SUMO4: variants seen among roughly 807,000 people sequenced by gnomAD.
SUMO4 encodes small ubiquitin-related modifier 4.
SUMO4 carries 6 observed loss-of-function variants against 7.7 expected under a neutral mutation model. The ratio of observed to expected loss-of-function variants is 0.78; its 90% confidence interval spans 0.43 to 1.53. The LOEUF is 1.53. Ranked by LOEUF, SUMO4 falls within the 40% of genes most tolerant of loss-of-function variation. The pLI is 0.01. For missense variants in SUMO4, 113 were observed against 113.6 expected, an observed-to-expected ratio of 0.99 and a Z score of 0.03; for synonymous variants, 43 against 41.2, an observed-to-expected ratio of 1.04 and a Z score of -0.17.
chr6:149,400,495 A>G lies in SUMO4; in HGVS notation c.104A>G (p.Lys35Arg). The G allele has an allele frequency of 6.2e-7, 1 of 1,614,274 alleles. No homozygotes were observed. Among genetic ancestry groups the G allele is most frequent in the African/African-American group, 1.3e-5 (1 of 75,074 alleles). Residue 35 changes from lysine (K) to arginine (R), a missense_variant, in exon 1 of 1, where the codon AAG becomes AGG. Lys to Arg is a conservative substitution (Grantham distance 26). Coordinates refer to ENST00000326669, the MANE Select transcript of SUMO4 (RefSeq NM_001002255.2). ...GGTTCTGTGGTGCAGTTTAAGATTA[A>G]GAGGCAGACACCACTTAGTAAACTA... ...QDGSVVQFKI[K>R]RQTPLSKLMK...
rs1782358755 is a variant in SUMO4, at chr6:149,400,793, G to C, written c.*114G>C. On this transcript the variant is annotated 3_prime_UTR_variant, in exon 1 of 1. Coordinates refer to ENST00000326669, the MANE Select transcript of SUMO4 (RefSeq NM_001002255.2). ...ACCACATTCTGACTACTACAGTATA[G>C]TTTTCTCTATTCTTTTGTTTCCCCC... 8.6e-7 allele frequency: 1 copy of C among 1,158,068 alleles called. No individual in the cohort carries two copies. The highest frequency in any genetic ancestry group is 1.5e-5 in the South Asian group (1 of 64,692). 71.7% of individuals were successfully genotyped at this position (1,158,068 alleles called of 1,614,324 possible). A position where few individuals can be genotyped will look rare whatever the true frequency, so the allele number is the denominator to read the frequency against.
At position 149,400,347 on chromosome 6, in the gene SUMO4, C is replaced by T. The variant is rs748960494; in HGVS notation, c.-45C>T. On this transcript the variant is annotated 5_prime_UTR_variant, in exon 1 of 1. Coordinates refer to ENST00000326669, the MANE Select transcript of SUMO4 (RefSeq NM_001002255.2). ...GTGTACTCGTTAGGTGCGGACCCGC[C>T]ACCTCTTTTGTGAAGCAGCAGCTGA... 1 of 1,597,706 alleles carries T rather than the reference C, an allele frequency of 6.3e-7. No homozygotes were observed. The highest frequency in any genetic ancestry group is 8.5e-7 in the Non-Finnish European group (1 of 1,172,280).
At position 149,400,509 on chromosome 6, in the gene SUMO4, C is replaced by G. The variant is rs1368688819; in HGVS notation, c.118C>G (p.Leu40Val). 2 of 1,614,214 alleles carry G rather than the reference C, an allele frequency of 1.2e-6. No homozygotes were observed. Among genetic ancestry groups the G allele is most frequent in the Non-Finnish European group, 1.7e-6 (2 of 1,180,046 alleles). ...VQFKIKRQTP[L>V]SKLMKAYCEP... ...GTTTAAGATTAAGAGGCAGACACCACTTAGTAAACTAATGAAAGCCTATTG... is the reference window on the plus strand; with the variant it reads ...GTTTAAGATTAAGAGGCAGACACCAGTTAGTAAACTAATGAAAGCCTATTG... Residue 40 changes from leucine (L) to valine (V), a missense_variant, in exon 1 of 1, where the codon CTT becomes GTT. Leu to Val is a conservative substitution (Grantham distance 32). Coordinates refer to ENST00000326669, the MANE Select transcript of SUMO4 (RefSeq NM_001002255.2).
rs1020043932 is a variant in SUMO4 at position 149,401,261 on chromosome 6, T to G, written c.*582T>G. ...AGTCAGGCTTCTTATTTAAATAAAC[T>G]TTTTGTTTAAAATGAAATAAAAATA... On this transcript the variant is annotated 3_prime_UTR_variant, in exon 1 of 1. Transcript: ENST00000326669. 5 of 166,882 alleles carry G rather than the reference T, an allele frequency of 3.0e-5. No homozygotes were observed. Among genetic ancestry groups the G allele is most frequent in the African/African-American group, 1.2e-4 (5 of 41,430 alleles). 10.3% of individuals were successfully genotyped at this position (166,882 alleles called of 1,614,324 possible).
rs1782356893 is a variant in SUMO4, at chr6:149,400,735, G to A, written c.*56G>A. Reference sequence around the variant, plus strand: ...CTGTTCTTTAAAGACCAAGATTACTGCATTCTCAATTAGAAAACTGCAATT... The same window carrying A: ...CTGTTCTTTAAAGACCAAGATTACTACATTCTCAATTAGAAAACTGCAATT... On this transcript the variant is annotated 3_prime_UTR_variant, in exon 1 of 1. Coordinates refer to ENST00000326669, the MANE Select transcript of SUMO4 (RefSeq NM_001002255.2). 1 of 1,563,398 alleles carries A rather than the reference G, an allele frequency of 6.4e-7. No individual in the cohort carries two copies. The highest frequency in any genetic ancestry group is 1.9e-5 in the Admixed American group (1 of 53,372).
In SUMO4 at chr6:149,400,312, C is replaced by T; in HGVS notation, c.-80C>T. The T allele has an allele frequency of 6.7e-7, 1 of 1,491,490 alleles. No homozygotes were observed. Among genetic ancestry groups the T allele is most frequent in the South Asian group, 1.3e-5 (1 of 78,424 alleles). 92.4% of individuals were successfully genotyped at this position (1,491,490 alleles called of 1,614,324 possible). A position where few individuals can be genotyped will look rare whatever the true frequency, so the allele number is the denominator to read the frequency against. ...ACCGCTGTCACCTCCTGCTGCTCTT[C>T]CTGCTGCTCGTGTACTCGTTAGGTG... On this transcript the variant is annotated 5_prime_UTR_variant, in exon 1 of 1. Transcript: ENST00000326669.
At position 149,400,606 on chromosome 6, in the gene SUMO4, A is replaced by G; in HGVS notation, c.215A>G (p.Lys72Arg). 1 of 1,614,236 alleles carries G rather than the reference A, an allele frequency of 6.2e-7. No individual in the cohort carries two copies. The highest frequency in any genetic ancestry group is 8.5e-7 in the Non-Finnish European group (1 of 1,180,048). The change falls in exon 1 of 1, where the codon AAA becomes AGA. Residue 72 changes from lysine (K) to arginine (R), a missense_variant. Physicochemically the swap from Lys to Arg is conservative, Grantham distance 26 (BLOSUM62 2). Coordinates refer to ENST00000326669, the MANE Select transcript of SUMO4 (RefSeq NM_001002255.2). ...FGGQPISGTD[K>R]PAQLEMEDED... is the part of the protein sequence containing the mutation. Reference sequence around the variant, plus strand: ...GGGCAACCAATCAGTGGAACAGACAAACCTGCACAGTTGGAAATGGAAGAT... The same window carrying G: ...GGGCAACCAATCAGTGGAACAGACAGACCTGCACAGTTGGAAATGGAAGAT...
chr6:149,400,778 G>T lies in SUMO4; in HGVS notation c.*99G>T. ...CTGCAATTTGGTTCCACCACATTCT[G>T]ACTACTACAGTATAGTTTTCTCTAT... On this transcript the variant is annotated 3_prime_UTR_variant, in exon 1 of 1. Transcript: ENST00000326669. 1 of 1,269,086 alleles carries T rather than the reference G, an allele frequency of 7.9e-7. No individual in the cohort carries two copies. The highest frequency in any genetic ancestry group is 1.4e-5 in the South Asian group (1 of 69,912). The allele number at this position is 1,269,086 out of a possible 1,614,324, so 78.6% of individuals were successfully genotyped here.
chr6:149,400,508 A>G lies in SUMO4; in HGVS notation c.117A>G (p.Pro39=). The change falls in exon 1 of 1, where the codon CCA becomes CCG. Residue 39 remains proline, a synonymous_variant. Coordinates refer to ENST00000326669, the MANE Select transcript of SUMO4 (RefSeq NM_001002255.2). ...VVQFKIKRQT[P]LSKLMKAYCE... is the part of the protein sequence containing the mutation. ...AGTTTAAGATTAAGAGGCAGACACC[A>G]CTTAGTAAACTAATGAAAGCCTATT... 6.2e-7 allele frequency: 1 copy of G among 1,614,258 alleles called. No homozygotes were observed. Among genetic ancestry groups the G allele is most frequent in the Non-Finnish European group, 8.5e-7 (1 of 1,180,046 alleles).
At position 149,400,357 on chromosome 6, in the gene SUMO4, G is replaced by A. The variant is rs962679302; in HGVS notation, c.-35G>A. On this transcript the variant is annotated 5_prime_UTR_variant, in exon 1 of 1. In the 5' UTR this introduces an upstream ATG that the reference lacks. Transcript: ENST00000326669. Reference sequence around the variant, plus strand: ...TAGGTGCGGACCCGCCACCTCTTTTGTGAAGCAGCAGCTGAGGAGACTCCG... The same window carrying A: ...TAGGTGCGGACCCGCCACCTCTTTTATGAAGCAGCAGCTGAGGAGACTCCG... 1 of 1,604,402 alleles carries A rather than the reference G, an allele frequency of 6.2e-7. No homozygotes were observed. The highest frequency in any genetic ancestry group is 1.1e-5 in the South Asian group (1 of 89,700).
rs1395634180 is a variant in SUMO4, at chr6:149,400,269, G to A, written c.-123G>A. 8 of 1,090,962 alleles carry A rather than the reference G, an allele frequency of 7.3e-6. No homozygotes were observed. The highest frequency in any genetic ancestry group is 3.1e-5 in the African/African-American group (2 of 63,620). 67.6% of individuals were successfully genotyped at this position (1,090,962 alleles called of 1,614,324 possible). On this transcript the variant is annotated 5_prime_UTR_variant, in exon 1 of 1. Coordinates refer to ENST00000326669, the MANE Select transcript of SUMO4 (RefSeq NM_001002255.2). Reference sequence around the variant, plus strand: ...AGGGGAGGGAGCCCAGGATGTGCACGCACCCTCTCCCTCATCCACCGCTGT... The same window carrying A: ...AGGGGAGGGAGCCCAGGATGTGCACACACCCTCTCCCTCATCCACCGCTGT...
At position 149,400,590 on chromosome 6, in the gene SUMO4, A is replaced by G. The variant is rs143374045; in HGVS notation, c.199A>G (p.Ile67Val). ...CAGATTCCGATTTGGTGGGCAACCAATCAGTGGAACAGACAAACCTGCACA... is the reference window on the plus strand; with the variant it reads ...CAGATTCCGATTTGGTGGGCAACCAGTCAGTGGAACAGACAAACCTGCACA... Reference protein sequence around the residue: ...QIRFRFGGQPISGTDKPAQLE... With the variant: ...QIRFRFGGQPVSGTDKPAQLE... Residue 67 changes from isoleucine (I) to valine (V), a missense_variant, in exon 1 of 1, where the codon ATC becomes GTC. Coordinates refer to ENST00000326669, the MANE Select transcript of SUMO4 (RefSeq NM_001002255.2). 2.2e-4 allele frequency: 355 copies of G among 1,614,250 alleles called. No homozygotes were observed. The highest frequency in any genetic ancestry group is 1.8e-3 in the Admixed American group (109 of 60,030).
chr6:149,400,546 G>T lies in SUMO4; in HGVS notation c.155G>T (p.Gly52Val), dbSNP rs1465146312. Residue 52 changes from glycine to valine, a missense_variant, in exon 1 of 1, where the codon GGA becomes GTA. Gly to Val is a moderately radical substitution (Grantham distance 109). Transcript: ENST00000326669. ...KLMKAYCEPRGLSVKQIRFRF... is the reference protein window; with the variant it reads ...KLMKAYCEPRVLSVKQIRFRF... ...ATGAAAGCCTATTGTGAACCACGGG[G>T]ATTGTCAGTGAAGCAGATCAGATTC... 1 of 1,614,256 alleles carries T rather than the reference G, an allele frequency of 6.2e-7. No individual in the cohort carries two copies. The highest frequency in any genetic ancestry group is 1.1e-5 in the South Asian group (1 of 91,086).
chr6:149,400,514 T>C lies in SUMO4; in HGVS notation c.123T>C (p.Ser41=). ...AGATTAAGAGGCAGACACCACTTAG[T>C]AAACTAATGAAAGCCTATTGTGAAC... ...QFKIKRQTPL[S]KLMKAYCEPR... is the part of the protein sequence containing the mutation. The change falls in exon 1 of 1, where the codon AGT becomes AGC. Residue 41 remains serine, a synonymous_variant. Transcript: ENST00000326669. The C allele has an allele frequency of 6.2e-7, 1 of 1,614,216 alleles. No individual in the cohort carries two copies. Among genetic ancestry groups the C allele is most frequent in the Non-Finnish European group, 8.5e-7 (1 of 1,180,040 alleles).
In SUMO4 at chr6:149,400,848, A is replaced by G. The variant is rs542424351; in HGVS notation, c.*169A>G. 35 of 734,792 alleles carry G rather than the reference A, an allele frequency of 4.8e-5. No homozygotes were observed. In the African/African-American group the frequency reaches 4.8e-4, roughly 10 times the overall value. The allele number at this position is 734,792 out of a possible 1,614,324, so 45.5% of individuals were successfully genotyped here. A position where few individuals can be genotyped will look rare whatever the true frequency, so the allele number is the denominator to read the frequency against. ...ACATTCTTTTATTATACATGAAGTAACTGGTATGTGTACACAAGCATATTG... is the reference window on the plus strand; with the variant it reads ...ACATTCTTTTATTATACATGAAGTAGCTGGTATGTGTACACAAGCATATTG... On this transcript the variant is annotated 3_prime_UTR_variant, in exon 1 of 1. Transcript: ENST00000326669.
At position 149,400,408 on chromosome 6, in the gene SUMO4, C is replaced by G; in HGVS notation, c.17C>G (p.Pro6Arg). Residue 6 changes from proline to arginine, a missense_variant, in exon 1 of 1, where the codon CCC becomes CGC. Physicochemically the swap from Pro to Arg is moderately radical, Grantham distance 103. Coordinates refer to ENST00000326669, the MANE Select transcript of SUMO4 (RefSeq NM_001002255.2). Reference sequence around the variant, plus strand: ...GTGTTCACCATGGCCAACGAAAAGCCCACAGAAGAAGTCAAGACTGAGAAC... The same window carrying G: ...GTGTTCACCATGGCCAACGAAAAGCGCACAGAAGAAGTCAAGACTGAGAAC... MANEK[P>R]TEEVKTENNN... 1.9e-6 allele frequency: 3 copies of G among 1,614,190 alleles called. No individual in the cohort carries two copies. Among genetic ancestry groups the G allele is most frequent in the Non-Finnish European group, 2.5e-6 (3 of 1,180,032 alleles).
At position 149,400,915 on chromosome 6, in the gene SUMO4, G is replaced by C. The variant is rs1476201843; in HGVS notation, c.*236G>C. 4 of 502,258 alleles carry C rather than the reference G, an allele frequency of 8.0e-6. No individual in the cohort carries two copies. The highest frequency in any genetic ancestry group is 7.8e-5 in the African/African-American group (4 of 51,058). 31.1% of individuals were successfully genotyped at this position (502,258 alleles called of 1,614,324 possible). ...AAACAGCCAATGGTATGTTTTGATT[G>C]ACATCAAGTGGAGACAGGATGGGAA... is the stretch of plus-strand genomic sequence containing the variant. On this transcript the variant is annotated 3_prime_UTR_variant, in exon 1 of 1. Transcript: ENST00000326669.
At position 149,400,565 on chromosome 6, in the gene SUMO4, C is replaced by G. The variant is rs371155775; in HGVS notation, c.174C>G (p.Ile58Met). The G allele has an allele frequency of 1.2e-6, 2 of 1,614,096 alleles. No individual in the cohort carries two copies. Among genetic ancestry groups the G allele is most frequent in the African/African-American group, 2.7e-5 (2 of 74,928 alleles). The change falls in exon 1 of 1, where the codon ATC becomes ATG. Residue 58 changes from isoleucine (I) to methionine (M), a missense_variant. Transcript: ENST00000326669. ...CEPRGLSVKQ[I>M]RFRFGGQPIS... Reference sequence around the variant, plus strand: ...CACGGGGATTGTCAGTGAAGCAGATCAGATTCCGATTTGGTGGGCAACCAA... The same window carrying G: ...CACGGGGATTGTCAGTGAAGCAGATGAGATTCCGATTTGGTGGGCAACCAA...
Position 149,400,744 on chromosome 6 carries a change from A to G in SUMO4, c.*65A>G. On this transcript the variant is annotated 3_prime_UTR_variant, in exon 1 of 1. Coordinates refer to ENST00000326669, the MANE Select transcript of SUMO4 (RefSeq NM_001002255.2). ...AAAGACCAAGATTACTGCATTCTCAATTAGAAAACTGCAATTTGGTTCCAC... is the reference window on the plus strand; with the variant it reads ...AAAGACCAAGATTACTGCATTCTCAGTTAGAAAACTGCAATTTGGTTCCAC... 1.9e-6 allele frequency: 3 copies of G among 1,542,892 alleles called. No homozygotes were observed. The highest frequency in any genetic ancestry group is 2.6e-6 in the Non-Finnish European group (3 of 1,140,994).
Sources: gnomAD v4.1 joint callset for allele counts on GRCh38, gnomAD v4.1.1 for gene constraint, MANE v1.5 for transcripts, NCBI Gene and HGNC (gene_info 2026-07-23, HGNC 2026-07-21) for gene names.